IMMP2L: variants seen among roughly 807,000 people sequenced by gnomAD.
IMMP2L encodes the protein inner mitochondrial membrane peptidase subunit 2, also known as mitochondrial inner membrane protease subunit 2.
In IMMP2L, 18 loss-of-function variants were observed where a neutral mutation model predicts 19.3. The observed-to-expected ratio is 0.93, with a 90% confidence interval of 0.64 to 1.38. The LOEUF (loss-of-function observed/expected upper bound fraction) is 1.38, where lower values mean the gene tolerates loss of function less well. IMMP2L is among the 40% of genes most tolerant of loss of function. The pLI, the probability that IMMP2L is intolerant of heterozygous loss-of-function variation, is 0.00. For missense variants in IMMP2L, 233 were observed against 218.2 expected (o/e 1.07, Z -0.43); for synonymous variants, 76 against 73.0 (o/e 1.04, Z -0.21).
chr7:111,198,273 CAG>C (rs1809717272), intron 3 of IMMP2L, among the ~76,000 whole-genome samples: 1 of 152,134 alleles, frequency 6.6e-6, no homozygotes, highest in South Asian at 2.1e-4. Flanking sequence ...AATATGGCTC[CAG>C]ATCTGCCCTT....
At chr7:111,411,116 G>GA (rs1296413620) in intron 3 of IMMP2L, among the ~76,000 whole-genome samples, 11 of 130,758 alleles carry the variant, frequency 8.4e-5, no homozygotes, top group African/African-American at 2.3e-4. Flanking sequence ...AAGTAACAAA[G>GA]AAAAAAATCT....
intron 4 of IMMP2L, among the ~76,000 whole-genome samples, chr7:110,914,887 C>T (rs1045566501): frequency 6.6e-6 from 1 of 151,932 alleles, no homozygotes; most frequent in Admixed American, 6.6e-5. Context: ...CAAATGAAAA[C>T]CACAACATAG....
chr7:110,885,852 A>G (rs1563053928), intron 5 of IMMP2L, among the ~76,000 whole-genome samples: 2 of 152,036 alleles, frequency 1.3e-5, no homozygotes, highest in Non-Finnish European at 2.9e-5. Context: ...TTCCATGGGA[A>G]GTCATGGCAG....
intron 3 of IMMP2L, among the ~76,000 whole-genome samples, chr7:111,098,997 G>A (rs1223667705): frequency 6.6e-6 from 1 of 151,586 alleles, no homozygotes; most frequent in African/African-American, 2.4e-5. Context: ...TTCTTTCTGA[G>A]AAAGGAGTGA....
intron 3 of IMMP2L, among the ~76,000 whole-genome samples, chr7:111,075,550 T>A (rs933216190): frequency 6.6e-6 from 1 of 152,178 alleles, no homozygotes; most frequent in Non-Finnish European, 1.5e-5. Context: ...TTTAGAACAG[T>A]CCCTCCTTTC....
At chr7:111,013,100 G>A (rs573578184) in intron 3 of IMMP2L, among the ~76,000 whole-genome samples, 3 of 151,990 alleles carry the variant, frequency 2.0e-5, no homozygotes, top group Non-Finnish European at 2.9e-5. Flanking sequence ...AGGAGAGAGG[G>A]CCTTAGAAGA....
At chr7:110,990,805 A>G (rs888498446) in intron 3 of IMMP2L, among the ~76,000 whole-genome samples, 3 of 152,252 alleles carry the variant, frequency 2.0e-5, no homozygotes, top group East Asian at 1.9e-4. Flanking sequence ...TGGTTTTCCA[A>G]TTGTGTGATA....
rs1846248228 is a variant in IMMP2L at position 111,520,668 on chromosome 7, T to A, written c.135+645A>T. 2.0e-5 allele frequency among the ~76,000 whole-genome samples: 3 copies of A among 152,258 alleles called. No individual in the cohort carries two copies. In the South Asian group the frequency reaches 6.2e-4, roughly 32 times the overall value. On this transcript the variant is annotated intron_variant, in intron 2 of 5. Coordinates refer to ENST00000405709, the MANE Select transcript of IMMP2L (RefSeq NM_032549.4). ...TGATAATACAGGAAACCAAATCCTATAACAAAATGCAAATTCTGCCTAACT... is the reference window on the plus strand; with the variant it reads ...TGATAATACAGGAAACCAAATCCTAAAACAAAATGCAAATTCTGCCTAACT...
chr7:111,367,906 T>C (rs1000289249), intron 3 of IMMP2L, among the ~76,000 whole-genome samples: 1 of 151,912 alleles, frequency 6.6e-6, no homozygotes, highest in African/African-American at 2.4e-5. Context: ...TTCCATTCAC[T>C]GAGCAACAAA....
intron 5 of IMMP2L, among the ~76,000 whole-genome samples, chr7:110,872,446 A>C (rs1270932099): frequency 6.6e-6 from 1 of 152,106 alleles, no homozygotes; most frequent in Non-Finnish European, 1.5e-5. Flanking sequence ...TTATTATATG[A>C]CATTGTTGTC....
intron 5 of IMMP2L, among the ~76,000 whole-genome samples, chr7:110,816,778 A>G (rs2131305524): frequency 6.6e-6 from 1 of 151,528 alleles, no homozygotes. Flanking sequence ...ATCAGAGACT[A>G]GGATTGCAAC....
intron 5 of IMMP2L, among the ~76,000 whole-genome samples, chr7:110,680,943 G>A (rs1300735049): frequency 6.6e-6 from 1 of 152,024 alleles, no homozygotes; most frequent in Non-Finnish European, 1.5e-5. Context: ...GCATAGGGGT[G>A]TGCTGTGTTC....
intron 5 of IMMP2L, among the ~76,000 whole-genome samples, chr7:110,871,661 T>G (rs1471397554): frequency 6.6e-6 from 1 of 151,982 alleles, no homozygotes; most frequent in East Asian, 1.9e-4. Flanking sequence ...AGAAATATTA[T>G]GGAAGGTAGA....
At chr7:111,365,676 C>G (rs917466982) in intron 3 of IMMP2L, among the ~76,000 whole-genome samples, 4 of 152,024 alleles carry the variant, frequency 2.6e-5, no homozygotes, top group African/African-American at 7.2e-5. Flanking sequence ...AAACCTAGCA[C>G]TCAGATCTTG....
intron 3 of IMMP2L, among the ~76,000 whole-genome samples, chr7:111,483,005 A>T (rs1049483355): frequency 5.3e-5 from 8 of 152,136 alleles, no homozygotes; most frequent in Admixed American, 1.3e-4. Flanking sequence ...ATCTTGGCCC[A>T]AAAAAAGGAC....
chr7:110,987,321 TG>T (rs1476855777), intron 3 of IMMP2L, among the ~76,000 whole-genome samples: 1 of 152,200 alleles, frequency 6.6e-6, no homozygotes, highest in African/African-American at 2.4e-5. Flanking sequence ...TGACAGCTAT[TG>T]GCAAGGCACT....
chr7:111,308,747 T>C (rs115750786), intron 3 of IMMP2L, among the ~76,000 whole-genome samples: 1 of 152,008 alleles, frequency 6.6e-6, no homozygotes, highest in Non-Finnish European at 1.5e-5. Context: ...GAAAAAAAGA[T>C]GTATTCTTCA....
At chr7:111,501,380 C>G (rs577440902) in intron 2 of IMMP2L, among the ~76,000 whole-genome samples, 3,039 of 152,218 alleles carry the variant, frequency 0.02, 102 homozygotes, top group African/African-American at 0.069. Flanking sequence ...GAGAATGGAA[C>G]CAACTTGGAA....
At chr7:110,957,969 C>T (rs1818538773) in intron 4 of IMMP2L, among the ~76,000 whole-genome samples, 1 of 151,912 alleles carries the variant, frequency 6.6e-6, no homozygotes, top group African/African-American at 2.4e-5. Context: ...ATGTAAGCAT[C>T]ATGAGGGCAG....
Sources: allele counts gnomAD v4.1 joint callset (sites outside exome capture counted in the v4.1 genomes callset), GRCh38; gene constraint gnomAD v4.1.1; transcripts MANE v1.5; gene names NCBI Gene and HGNC (gene_info 2026-07-23, HGNC 2026-07-21).